PTPN18: variants seen among roughly 807,000 people sequenced by gnomAD.
PTPN18 encodes the protein protein tyrosine phosphatase non-receptor type 18.
A neutral mutation model predicts 65.4 loss-of-function variants in PTPN18; 65 were observed. The observed-to-expected ratio is 0.99, with a 90% confidence interval of 0.81 to 1.22. The LOEUF (loss-of-function observed/expected upper bound fraction) is 1.22. Ranked by LOEUF, PTPN18 falls within the 50% of genes most tolerant of loss-of-function variation. PTPN18 has a pLI of 0.00. For missense variants in PTPN18, 616 were observed against 646.5 expected (o/e 0.95, Z 0.51); for synonymous variants, 255 against 267.8 (o/e 0.95, Z 0.47).
chr2:130,366,291 C>T (rs764372373), intron 5 of PTPN18, among the ~76,000 whole-genome samples: 22 of 152,214 alleles, frequency 1.4e-4, no homozygotes, highest in Admixed American at 3.3e-4. Flanking sequence ...TCTGTGCAGA[C>T]GGTGCCCCAA....
chr2:130,369,182 G>A lies in PTPN18; in HGVS notation c.464G>A (p.Gly155Glu). 1 of 1,613,324 alleles carries A rather than the reference G, an allele frequency of 6.2e-7. No individual in the cohort carries two copies. Among genetic ancestry groups the A allele is most frequent in the Non-Finnish European group, 8.5e-7 (1 of 1,179,614 alleles). Residue 155 changes from glycine to glutamate, a missense_variant, in exon 6 of 15, where the codon GGG becomes GAG. This residue lies in a region of PTPN18 where 223 missense variants were observed against 210.0 expected (regional missense o/e 1.06). Transcript: ENST00000175756. ...CAGGAGCAGGAGCCACTGCAGACTG[G>A]GCTTTTCTGCATCACTCTGGTGAGC... ...WAQEQEPLQT[G>E]LFCITLIKEK...
At chr2:130,371,087 C>T (rs1680549865) in intron 11 of PTPN18, 112 bp from the exon 12 acceptor site, 1 of 1,372,148 alleles carries the variant, frequency 7.3e-7, no homozygotes, top group South Asian at 1.3e-5. Flanking sequence ...CCACCTGTGC[C>T]CTCCTCCAGG....
At position 130,360,756 on chromosome 2, in the gene PTPN18, C is replaced by A. The variant is rs147688937; in HGVS notation, c.414+1110C>A. 3.7e-3 allele frequency among the ~76,000 whole-genome samples: 561 copies of A among 152,008 alleles called. 1 individual carries two copies. The highest frequency in any genetic ancestry group is 0.011 in the South Asian group (52 of 4,810). ...GCCAATCTTTGGACTAGAAGTTTAT[C>A]ATTTTATTATTTTTTCAAAGAACCT... is the stretch of plus-strand genomic sequence containing the variant. On this transcript the variant is annotated intron_variant, in intron 5 of 14. Coordinates refer to ENST00000175756, the MANE Select transcript of PTPN18 (RefSeq NM_014369.4).
In PTPN18 at chr2:130,369,081, G is replaced by C. The variant is rs1249714885; in HGVS notation, c.415-52G>C. The C allele has an allele frequency of 6.6e-6, 10 of 1,503,790 alleles. No individual in the cohort carries two copies. The Admixed American group carries it at 1.7e-4, about 26-fold the overall frequency. 93.2% of individuals were successfully genotyped at this position (1,503,790 alleles called of 1,614,324 possible). A position where few individuals can be genotyped will look rare whatever the true frequency, so the allele number is the denominator to read the frequency against. ...CTTGTGGCATGATTGAGCTAGCTCT[G>C]AAGCTGACTCCCTCTTCTCACTCCC... On this transcript the variant is annotated intron_variant, in intron 5 of 14. Coordinates refer to ENST00000175756, the MANE Select transcript of PTPN18 (RefSeq NM_014369.4).
At chr2:130,372,526 G>C (rs1191477306) in intron 13 of PTPN18, 43 bp downstream of exon 13, 5 of 1,401,212 alleles carry the variant, frequency 3.6e-6, no homozygotes, top group Non-Finnish European at 4.6e-6. Context: ...ATCCTGCTGT[G>C]ATCCGCAGGG....
At chr2:130,362,678 T>C (rs1256487813) in intron 5 of PTPN18, among the ~76,000 whole-genome samples, 1 of 152,230 alleles carries the variant, frequency 6.6e-6, no homozygotes. Context: ...TACTCCACAG[T>C]ACACTGCTAT....
chr2:130,359,186 A>C (rs1174071155), intron 2 of PTPN18, 47 bp from the exon 3 acceptor site: 1 of 1,606,890 alleles, frequency 6.2e-7, no homozygotes, highest in South Asian at 1.1e-5. Flanking sequence ...AGGCTCCGTC[A>C]CCCTATCCTA....
intron 1 of PTPN18, among the ~76,000 whole-genome samples, chr2:130,357,781 G>T (rs1440188370): frequency 6.6e-6 from 1 of 151,296 alleles, no homozygotes; most frequent in Non-Finnish European, 1.5e-5. Flanking sequence ...GCGTGAACCC[G>T]GGAGGCGGAG....
chr2:130,369,132 G>C lies in PTPN18; in HGVS notation c.415-1G>C. The C allele has an allele frequency of 1.2e-6, 2 of 1,609,540 alleles. No homozygotes were observed. The highest frequency in any genetic ancestry group is 1.7e-6 in the Non-Finnish European group (2 of 1,177,046). ...TGCCTTTTCTCCCTTACCTTTTGCA[G>C]AAAAGGTGTGAGCGGTACTGGGCCC... On this transcript the variant is annotated splice_acceptor_variant, in intron 5 of 14. Transcript: ENST00000175756. LOFTEE classifies it high-confidence loss of function.
chr2:130,372,447 C>T lies in PTPN18; in HGVS notation c.1204C>T (p.His402Tyr), dbSNP rs1029206932. Residue 402 changes from histidine to tyrosine, a missense_variant, in exon 13 of 15, where the codon CAC becomes TAC. Physicochemically the swap from His to Tyr is moderately conservative, Grantham distance 83. This residue lies in a region of PTPN18 where 368 missense variants were observed against 386.7 expected (regional missense o/e 0.95). Coordinates refer to ENST00000175756, the MANE Select transcript of PTPN18 (RefSeq NM_014369.4). The part of the protein sequence containing the change: ...VTPRAQRPGA[H>Y]AEDARGTLPG... ...GCCGCGCGCCCAGCGACCCGGGGCGCACGCGGAGGACGCGAGGGGGACGCT... is the reference window on the plus strand; with the variant it reads ...GCCGCGCGCCCAGCGACCCGGGGCGTACGCGGAGGACGCGAGGGGGACGCT... 6.6e-6 allele frequency: 9 copies of T among 1,368,980 alleles called. No individual in the cohort carries two copies. Among genetic ancestry groups the T allele is most frequent in the Non-Finnish European group, 8.4e-6 (9 of 1,068,216 alleles). The allele number at this position is 1,368,980 out of a possible 1,614,324, so 84.8% of individuals were successfully genotyped here. A position where few individuals can be genotyped will look rare whatever the true frequency, so the allele number is the denominator to read the frequency against.
At chr2:130,357,968 A>G (rs919416624) in intron 1 of PTPN18, among the ~76,000 whole-genome samples, 2 of 152,264 alleles carry the variant, frequency 1.3e-5, no homozygotes, top group Admixed American at 1.3e-4. Context: ...AAAATATATA[A>G]TTATACAATA....
At chr2:130,367,677 A>G (rs1680429731) in intron 5 of PTPN18, among the ~76,000 whole-genome samples, 1 of 152,070 alleles carries the variant, frequency 6.6e-6, no homozygotes, top group African/African-American at 2.4e-5. Flanking sequence ...TCTCAAAAAA[A>G]AATTTTTTTT....
At chr2:130,372,538 G>A (rs1295608199) in intron 13 of PTPN18, 55 bp downstream of exon 13, 12 of 1,401,962 alleles carry the variant, frequency 8.6e-6, no homozygotes, top group South Asian at 1.6e-5. Context: ...TCCGCAGGGC[G>A]GAACCATCCT....
Position 130,373,286 on chromosome 2 carries a change from G to A in PTPN18, c.*62G>A. The A allele has an allele frequency of 1.4e-6, 2 of 1,427,130 alleles. No homozygotes were observed. Among genetic ancestry groups the A allele is most frequent in the Non-Finnish European group, 1.9e-6 (2 of 1,061,922 alleles). The allele number at this position is 1,427,130 out of a possible 1,614,324, so 88.4% of individuals were successfully genotyped here. On this transcript the variant is annotated 3_prime_UTR_variant, in exon 15 of 15. Coordinates refer to ENST00000175756, the MANE Select transcript of PTPN18 (RefSeq NM_014369.4). The surrounding 1 kb of genome is among the most constrained non-coding windows in gnomAD (Gnocchi z 4.1). ...CTCGGACTGCTGATGCCCCGGTGCT[G>A]CTGAGCGCCGTGCGCAGAATGGAAA... is the stretch of plus-strand genomic sequence containing the variant.
Position 130,356,189 on chromosome 2 carries a change from G to T in PTPN18, c.82G>T (p.Gly28Cys). ...RGGREGAVLA[G>C]EFSDIQACSA... ...CGGCCGGGAGGGGGCAGTCCTCGCC[G>T]GCGAGTTCAGCGTGAGTGGCACACG... is the stretch of plus-strand genomic sequence containing the variant. Residue 28 changes from glycine (G) to cysteine (C), a missense_variant, in exon 1 of 15, where the codon GGC becomes TGC. Transcript: ENST00000175756. The T allele has an allele frequency of 1.5e-6, 2 of 1,315,014 alleles. No homozygotes were observed. Among genetic ancestry groups the T allele is most frequent in the Non-Finnish European group, 1.9e-6 (2 of 1,035,010 alleles). The allele number at this position is 1,315,014 out of a possible 1,614,324, so 81.5% of individuals were successfully genotyped here.
intron 12 of PTPN18, chr2:130,371,956 G>T: frequency 2.8e-6 from 1 of 360,724 alleles, no homozygotes; most frequent in Non-Finnish European, 5.0e-6. Context: ...ATCCCTTCCT[G>T]TCTTCTATGC....
intron 5 of PTPN18, among the ~76,000 whole-genome samples, chr2:130,364,875 C>T (rs1484021823): frequency 1.3e-5 from 2 of 152,220 alleles, no homozygotes; most frequent in Non-Finnish European, 2.9e-5. Context: ...CCTGGGTATA[C>T]ACCTAGCATG....
chr2:130,365,388 C>G (rs968091381), intron 5 of PTPN18, among the ~76,000 whole-genome samples: 3 of 152,222 alleles, frequency 2.0e-5, no homozygotes, highest in African/African-American at 7.2e-5. Flanking sequence ...TATATCTTCT[C>G]TGGCCAAATG....
At chr2:130,359,540 C>A in intron 4 of PTPN18, 48 bp downstream of exon 4, 2 of 1,612,268 alleles carry the variant, frequency 1.2e-6, no homozygotes, top group South Asian at 1.1e-5. Flanking sequence ...CATCTAAGTA[C>A]CCCCTCGGCA....
Sources: allele counts gnomAD v4.1 joint callset (sites outside exome capture counted in the v4.1 genomes callset), GRCh38; gene constraint gnomAD v4.1.1; regional missense constraint gnomAD v4.1.1; non-coding constraint Gnocchi (gnomAD v3.1); transcripts MANE v1.5; gene names NCBI Gene and HGNC (gene_info 2026-07-23, HGNC 2026-07-21).